ESRRG: variants seen among roughly 807,000 people sequenced by gnomAD.
ESRRG encodes the protein estrogen-related receptor gamma.
ESRRG carries 13 observed loss-of-function variants against 44.0 expected under a neutral mutation model. That is an observed-to-expected ratio of 0.30 (90% CI 0.19 to 0.47). The LOEUF is 0.47. Ranked by LOEUF, ESRRG falls within the 20% of genes least tolerant of loss-of-function variation. ESRRG has a pLI of 1.00. For synonymous variants in ESRRG, 215 were observed against 214.6 expected, an observed-to-expected ratio of 1.00 and a Z score of -0.02; for missense variants, 395 against 580.6, an observed-to-expected ratio of 0.68 and a Z score of 3.29.
intron 3 of ESRRG, among the ~76,000 whole-genome samples, chr1:216,592,782 G>A (rs973094999): frequency 1.3e-5 from 2 of 152,144 alleles, no homozygotes; most frequent in Non-Finnish European, 2.9e-5. Flanking sequence ...TTACAGGCGT[G>A]AGCCACCACA....
intron 1 of ESRRG, among the ~76,000 whole-genome samples, chr1:216,963,077 A>G (rs1370629427): frequency 6.6e-6 from 1 of 152,160 alleles, no homozygotes; most frequent in Non-Finnish European, 1.5e-5. Context: ...CAACTCACTG[A>G]GTTGTTTGGA....
chr1:216,731,171 C>T (rs2088692215), intron 2 of ESRRG, among the ~76,000 whole-genome samples: 1 of 152,108 alleles, frequency 6.6e-6, no homozygotes, highest in Non-Finnish European at 1.5e-5. Context: ...AAAAACGGTT[C>T]TTGTATGCAA....
chr1:216,640,499 G>C (rs1219832718), intron 3 of ESRRG, among the ~76,000 whole-genome samples: 1 of 151,814 alleles, frequency 6.6e-6, no homozygotes, highest in African/African-American at 2.4e-5. Context: ...GAGAGAGAGA[G>C]AGAGAGAGAG....
chr1:217,021,206 A>G (rs992093766), intron 1 of ESRRG, among the ~76,000 whole-genome samples: 2 of 152,112 alleles, frequency 1.3e-5, no homozygotes, highest in Non-Finnish European at 2.9e-5. Flanking sequence ...CTCCGGACCC[A>G]TTGTTAGTGG....
At chr1:217,077,980 A>T (rs1273656189) in intron 1 of ESRRG, among the ~76,000 whole-genome samples, 1 of 152,252 alleles carries the variant, frequency 6.6e-6, no homozygotes, top group African/African-American at 2.4e-5. Flanking sequence ...AAGTCACTGT[A>T]TCAGAAGCTA....
chr1:216,838,737 T>C (rs553744083), intron 2 of ESRRG, among the ~76,000 whole-genome samples: 15 of 152,190 alleles, frequency 9.9e-5, no homozygotes, highest in Admixed American at 5.2e-4. Flanking sequence ...CAGGAATTTT[T>C]TGGTTTTCCA....
intron 2 of ESRRG, among the ~76,000 whole-genome samples, chr1:216,806,306 C>T (rs1198849382): frequency 6.6e-6 from 1 of 152,116 alleles, no homozygotes; most frequent in Non-Finnish European, 1.5e-5. Flanking sequence ...AACAGGCTGG[C>T]TTTTTGATGT....
chr1:216,536,038 AC>A (rs935038343), intron 5 of ESRRG, among the ~76,000 whole-genome samples: 6 of 151,990 alleles, frequency 3.9e-5, no homozygotes, highest in African/African-American at 1.4e-4. Flanking sequence ...GTCCAGACTG[AC>A]CCCTCTCTTA....
intron 1 of ESRRG, among the ~76,000 whole-genome samples, chr1:217,043,597 T>C (rs1395117670): frequency 6.6e-6 from 1 of 152,212 alleles, no homozygotes; most frequent in Non-Finnish European, 1.5e-5. Flanking sequence ...TTTGTACTTA[T>C]TTTCATTGCT....
intron 1 of ESRRG, among the ~76,000 whole-genome samples, chr1:216,701,086 C>T (rs2081304155): frequency 6.6e-6 from 1 of 152,066 alleles, no homozygotes; most frequent in African/African-American, 2.4e-5. Context: ...TTGTACTTTC[C>T]TTCTAGTGCT....
intron 6 of ESRRG, among the ~76,000 whole-genome samples, chr1:216,517,995 T>C (rs541889924): frequency 6.6e-6 from 1 of 152,312 alleles, no homozygotes; most frequent in South Asian, 2.1e-4. Flanking sequence ...GTAGATGAAC[T>C]GTTAATTACA....
intron 2 of ESRRG, among the ~76,000 whole-genome samples, chr1:216,928,136 T>A (rs539572218): frequency 6.6e-6 from 1 of 152,172 alleles, no homozygotes; most frequent in African/African-American, 2.4e-5. Flanking sequence ...TGTTGTTAAT[T>A]ATAGAATAGA....
chr1:216,518,100 C>T (rs1183960441), intron 6 of ESRRG, among the ~76,000 whole-genome samples: 1 of 152,102 alleles, frequency 6.6e-6, no homozygotes, highest in African/African-American at 2.4e-5. Context: ...AGGACCGCGC[C>T]AAATCACAAA....
intron 2 of ESRRG, among the ~76,000 whole-genome samples, chr1:216,781,234 CA>C (rs2093923247): frequency 6.6e-6 from 1 of 151,738 alleles, no homozygotes; most frequent in Non-Finnish European, 1.5e-5. Context: ...TACTATGTGA[CA>C]GGCACTGTGT....
intron 2 of ESRRG, among the ~76,000 whole-genome samples, chr1:216,731,941 A>G (rs935940677): frequency 2.0e-5 from 3 of 152,246 alleles, no homozygotes; most frequent in Admixed American, 1.3e-4. Context: ...GAGAATAGAC[A>G]TGGATTAATT....
chr1:217,003,596 A>AGT (rs1443758486), intron 1 of ESRRG, among the ~76,000 whole-genome samples: 10 of 149,368 alleles, frequency 6.7e-5, no homozygotes, highest in African/African-American at 2.2e-4. Flanking sequence ...AATATTAATT[A>AGT]ATATTAATAT....
intron 3 of ESRRG, among the ~76,000 whole-genome samples, chr1:216,618,828 A>G (rs1376555432): frequency 6.6e-6 from 1 of 152,250 alleles, no homozygotes; most frequent in African/African-American, 2.4e-5. Flanking sequence ...TGAAATTCTC[A>G]AAGAGAGATA....
chr1:216,810,299 C>T (rs2094928778), intron 2 of ESRRG, among the ~76,000 whole-genome samples: 1 of 152,086 alleles, frequency 6.6e-6, no homozygotes, highest in Admixed American at 6.6e-5. Context: ...CTCTTGCTTA[C>T]AACCTGCTTA....
chr1:217,056,972 G>A (rs1168993861), intron 1 of ESRRG, among the ~76,000 whole-genome samples: 1 of 152,104 alleles, frequency 6.6e-6, no homozygotes, highest in Non-Finnish European at 1.5e-5. Context: ...AGCTCTCACT[G>A]GGAGGGGTTT....
Sources: allele counts gnomAD v4.1 joint callset (sites outside exome capture counted in the v4.1 genomes callset), GRCh38; gene constraint gnomAD v4.1.1; transcripts MANE v1.5; gene names NCBI Gene and HGNC (gene_info 2026-07-23, HGNC 2026-07-21).